Variants in NRG1 observed in about 807,000 individuals in gnomAD.
NRG1 encodes the protein neuregulin 1.
NRG1 carries 18 observed loss-of-function variants against 63.8 expected under a neutral mutation model. The observed-to-expected ratio is 0.28, with a 90% CI of 0.19 to 0.42. The LOEUF (loss-of-function observed/expected upper bound fraction) is 0.42. Among genes scored for constraint, NRG1 ranks in the 10% least tolerant of loss-of-function variants. The pLI is 1.00. For missense variants in NRG1, 762 were observed against 814.7 expected (o/e 0.94, Z 0.79); for synonymous variants, 302 against 301.3 (o/e 1.00, Z -0.02).
intron 1 of NRG1, among the ~76,000 whole-genome samples, chr8:32,225,606 A>G (rs1234703197): frequency 1.3e-5 from 2 of 152,186 alleles, no homozygotes; most frequent in African/African-American, 4.8e-5. Context: ...TATATGTGAT[A>G]TATGCAATAC....
chr8:32,141,877 C>T (rs1440427185), intron 1 of NRG1, among the ~76,000 whole-genome samples: 1 of 151,842 alleles, frequency 6.6e-6, no homozygotes, highest in East Asian at 1.9e-4. Context: ...AGGATGTCTG[C>T]TTGCTTTCCA....
chr8:32,710,261 A>G (rs1817480935), intron 5 of NRG1, among the ~76,000 whole-genome samples: 1 of 152,134 alleles, frequency 6.6e-6, no homozygotes, highest in South Asian at 2.1e-4. Flanking sequence ...CCCTGGAGAT[A>G]ATTTTTTTAT....
chr8:32,530,328 C>T (rs898849111), intron 1 of NRG1, among the ~76,000 whole-genome samples: 2 of 152,016 alleles, frequency 1.3e-5, no homozygotes, highest in Non-Finnish European at 2.9e-5. Flanking sequence ...AGGATGGTCT[C>T]GATCTCCTGA....
intron 1 of NRG1, among the ~76,000 whole-genome samples, chr8:31,662,134 C>T (rs569359342): frequency 9.2e-5 from 14 of 152,268 alleles, no homozygotes; most frequent in Admixed American, 6.5e-4. Flanking sequence ...CTGGCACTTT[C>T]AAGATAAATG....
At chr8:32,449,869 G>A (rs905551213) in intron 1 of NRG1, among the ~76,000 whole-genome samples, 15 of 152,178 alleles carry the variant, frequency 9.9e-5, no homozygotes, top group African/African-American at 3.4e-4. Flanking sequence ...GGAAGAGGGA[G>A]CCAGTGCATC....
At chr8:32,047,221 T>G (rs1227716777) in intron 1 of NRG1, among the ~76,000 whole-genome samples, 1 of 152,064 alleles carries the variant, frequency 6.6e-6, no homozygotes, top group Non-Finnish European at 1.5e-5. Context: ...GAACTTTACC[T>G]AATTCACCCA....
intron 1 of NRG1, among the ~76,000 whole-genome samples, chr8:31,918,903 A>G (rs939177247): frequency 2.6e-5 from 4 of 152,150 alleles, no homozygotes; most frequent in African/African-American, 9.7e-5. Flanking sequence ...GTATTCAGAG[A>G]TTCAACTTCC....
intron 1 of NRG1, among the ~76,000 whole-genome samples, chr8:32,329,860 T>G (rs540757272): frequency 6.7e-6 from 1 of 149,876 alleles, no homozygotes; most frequent in Admixed American, 6.7e-5. Flanking sequence ...TTTTGGGGGG[T>G]TTTGGTCTTA....
At chr8:32,475,483 G>C (rs1465111794) in intron 1 of NRG1, among the ~76,000 whole-genome samples, 1 of 79,426 alleles carries the variant, frequency 1.3e-5, no homozygotes, top group Non-Finnish European at 2.7e-5. Context: ...AAAAAAAAGT[G>C]CCTACTCATA....
At chr8:31,720,170 A>G (rs1812764315) in intron 1 of NRG1, among the ~76,000 whole-genome samples, 1 of 152,190 alleles carries the variant, frequency 6.6e-6, no homozygotes, top group African/African-American at 2.4e-5. Flanking sequence ...TGATTTAATT[A>G]TCTCCCCATA....
intron 1 of NRG1, among the ~76,000 whole-genome samples, chr8:31,750,377 T>G (rs1002375892): frequency 4.6e-5 from 7 of 151,940 alleles, no homozygotes; most frequent in Non-Finnish European, 7.4e-5. Context: ...GTAAATGTTT[T>G]TATAGTACAC....
intron 1 of NRG1, among the ~76,000 whole-genome samples, chr8:32,551,024 C>A (rs1273781141): frequency 6.6e-6 from 1 of 152,180 alleles, no homozygotes; most frequent in Non-Finnish European, 1.5e-5. Context: ...TTGAAACCAG[C>A]TTTATATAGA....
chr8:32,305,250 T>C (rs1259131577), intron 1 of NRG1, among the ~76,000 whole-genome samples: 1 of 152,190 alleles, frequency 6.6e-6, no homozygotes, highest in Non-Finnish European at 1.5e-5. Flanking sequence ...TTGATTAAAG[T>C]ACTTGCATTC....
At position 32,147,599 on chromosome 8, in the gene NRG1, A is replaced by G. The variant is rs74946517; in HGVS notation, c.38-448229A>G. On this transcript the variant is annotated intron_variant, in intron 1 of 10. Coordinates refer to the NRG1 transcript ENST00000519301. ...ATATTATCCCTATCCCCTAATTTTC[A>G]TCATCTCTCATATCTAATCCACCAT... Among the ~76,000 whole-genome samples the G allele has an allele frequency of 4.2e-3, 641 of 152,290 alleles. 4 individuals are homozygous for G. Among genetic ancestry groups the G allele is most frequent in the African/African-American group, 0.015 (613 of 41,562 alleles).
intron 1 of NRG1, among the ~76,000 whole-genome samples, chr8:32,083,510 C>G (rs893720267): frequency 2.0e-5 from 3 of 152,136 alleles, no homozygotes; most frequent in Non-Finnish European, 2.9e-5. Flanking sequence ...AAATCCCAAC[C>G]TTATCTCCCA....
intron 1 of NRG1, among the ~76,000 whole-genome samples, chr8:31,742,001 G>T (rs1815324257): frequency 6.6e-6 from 1 of 151,996 alleles, no homozygotes; most frequent in Admixed American, 6.6e-5. Flanking sequence ...AGATAGGAGT[G>T]CTATACAGCT....
intron 1 of NRG1, among the ~76,000 whole-genome samples, chr8:31,861,109 T>A (rs906251450): frequency 3.8e-4 from 58 of 152,140 alleles, no homozygotes; most frequent in African/African-American, 1.4e-3. Context: ...ACATATTGTA[T>A]CTGGAAGTCA....
intron 1 of NRG1, among the ~76,000 whole-genome samples, chr8:31,824,517 C>T (rs1824344857): frequency 6.6e-6 from 1 of 152,156 alleles, no homozygotes; most frequent in Middle Eastern, 3.2e-3. Flanking sequence ...ATACGCATTG[C>T]TGATGGATTC....
At chr8:32,398,495 C>T (rs754779273) in intron 1 of NRG1, among the ~76,000 whole-genome samples, 30 of 151,648 alleles carry the variant, frequency 2.0e-4, no homozygotes, top group Non-Finnish European at 3.8e-4. Context: ...ACTGCAACCC[C>T]TGCCTCCCAG....
Sources: allele counts gnomAD v4.1 joint callset (sites outside exome capture counted in the v4.1 genomes callset), GRCh38; gene constraint gnomAD v4.1.1; transcripts MANE v1.5; gene names NCBI Gene and HGNC (gene_info 2026-07-23, HGNC 2026-07-21).